The following GRIN2A variants were observed in gnomAD, a reference collection of about 807,000 sequenced individuals.
GRIN2A encodes the protein glutamate ionotropic receptor NMDA type subunit 2A.
A neutral mutation model predicts 113.4 loss-of-function variants in GRIN2A; 22 were observed. The observed-to-expected ratio is 0.19, with a 90% CI of 0.14 to 0.28. The LOEUF (loss-of-function observed/expected upper bound fraction) is 0.28. GRIN2A is among the 10% of genes least tolerant of loss of function. GRIN2A has a pLI of 1.00. For synonymous variants in GRIN2A, 827 were observed against 738.4 expected, an observed-to-expected ratio of 1.12 and a Z score of -1.94; for missense variants, 1,502 against 1,887.0, an observed-to-expected ratio of 0.80 and a Z score of 3.78.
chr16:9,976,916 A>C (rs1408624582), intron 2 of GRIN2A, among the ~76,000 whole-genome samples: 2 of 152,224 alleles, frequency 1.3e-5, no homozygotes, highest in Admixed American at 6.5e-5. Flanking sequence ...AGTGGAATAC[A>C]AAATAGTTTT....
chr16:10,099,379 T>G (rs999337827), intron 2 of GRIN2A, among the ~76,000 whole-genome samples: 1 of 152,148 alleles, frequency 6.6e-6, no homozygotes, highest in African/African-American at 2.4e-5. Flanking sequence ...TCACCAGAGC[T>G]CAGAATTCAG....
intron 2 of GRIN2A, among the ~76,000 whole-genome samples, chr16:10,163,101 T>A (rs2049837330): frequency 6.6e-6 from 1 of 152,166 alleles, no homozygotes; most frequent in Non-Finnish European, 1.5e-5. Flanking sequence ...AAAACAGCCC[T>A]CTTCATTCAA....
In GRIN2A at chr16:10,169,303, G is replaced by C. The variant is rs549926955; in HGVS notation, c.414+10695C>G. Among the ~76,000 whole-genome samples the C allele has an allele frequency of 1.2e-4, 19 of 152,286 alleles. No homozygotes were observed. The South Asian group carries it at 3.1e-3, about 25-fold the overall frequency. Reference sequence around the variant, plus strand: ...TGCAATGCTACATATAATGGTGTTAGTGTTGCTGGAGACATCACCAGTTGT... The same window carrying C: ...TGCAATGCTACATATAATGGTGTTACTGTTGCTGGAGACATCACCAGTTGT... On this transcript the variant is annotated intron_variant, in intron 2 of 12. Transcript: ENST00000330684.
chr16:9,992,988 G>A (rs2046150754), intron 2 of GRIN2A, among the ~76,000 whole-genome samples: 4 of 152,068 alleles, frequency 2.6e-5, no homozygotes, highest in East Asian at 1.9e-4. Context: ...GGCCAAGGTG[G>A]ATGGATCACT....
chr16:9,868,448 G>A (rs1002924142), intron 4 of GRIN2A, among the ~76,000 whole-genome samples: 19 of 152,182 alleles, frequency 1.2e-4, no homozygotes, highest in African/African-American at 3.4e-4. Context: ...TGTATTTTTA[G>A]TAGAGATGGG....
At chr16:9,941,289 G>C (rs958329452) in intron 2 of GRIN2A, among the ~76,000 whole-genome samples, 22 of 152,224 alleles carry the variant, frequency 1.4e-4, no homozygotes, top group African/African-American at 5.3e-4. Flanking sequence ...TGTACTCTGA[G>C]CTAGACATGA....
At chr16:10,174,984 T>C (rs960402199) in intron 2 of GRIN2A, among the ~76,000 whole-genome samples, 6 of 152,290 alleles carry the variant, frequency 3.9e-5, no homozygotes, top group African/African-American at 1.4e-4. Flanking sequence ...ATATTCTAAG[T>C]TTTTGCTGTA....
Position 9,755,755 on chromosome 16 carries a change from G to T in GRIN2A, c.*7394C>A. ...CCATTCTGGGTACCTATAAAGCCCGGTGGAAGCGTTCCAGTTCAACACTCT... is the reference window on the plus strand; with the variant it reads ...CCATTCTGGGTACCTATAAAGCCCGTTGGAAGCGTTCCAGTTCAACACTCT... On this transcript the variant is annotated 3_prime_UTR_variant, in exon 13 of 13. Coordinates refer to ENST00000330684, the MANE Select transcript of GRIN2A (RefSeq NM_001134407.3). 1 of 209,824 alleles carries T rather than the reference G, an allele frequency of 4.8e-6. No individual in the cohort carries two copies. The allele number at this position is 209,824 out of a possible 1,614,324, so 13.0% of individuals were successfully genotyped here.
intron 2 of GRIN2A, among the ~76,000 whole-genome samples, chr16:10,149,757 C>A (rs533015486): frequency 6.6e-6 from 1 of 152,230 alleles, no homozygotes; most frequent in East Asian, 1.9e-4. Context: ...CACTCCAGAA[C>A]TCCTACTATC....
intron 2 of GRIN2A, among the ~76,000 whole-genome samples, chr16:10,055,890 G>A (rs897158414): frequency 6.6e-6 from 1 of 152,164 alleles, no homozygotes; most frequent in Non-Finnish European, 1.5e-5. Context: ...GTCTATACAT[G>A]TACATTTTTG....
chr16:10,012,336 C>A (rs563806512), intron 2 of GRIN2A, among the ~76,000 whole-genome samples: 1 of 152,278 alleles, frequency 6.6e-6, no homozygotes, highest in East Asian at 1.9e-4. Context: ...TACCTGATCT[C>A]CAGCCCCTCA....
chr16:9,977,044 T>C (rs561475038), intron 2 of GRIN2A, among the ~76,000 whole-genome samples: 214 of 152,364 alleles, frequency 1.4e-3, no homozygotes, highest in African/African-American at 3.9e-3. Flanking sequence ...CTCCACCTTC[T>C]CTAACTGATC....
chr16:10,171,581 T>C (rs1468217726), intron 2 of GRIN2A: 2 of 152,172 alleles, frequency 1.3e-5, no homozygotes, highest in Non-Finnish European at 2.9e-5. Flanking sequence ...ATACAAATCA[T>C]TTCATGTTAG....
At chr16:9,936,224 A>G (rs771478773) in intron 3 of GRIN2A, among the ~76,000 whole-genome samples, 2 of 152,206 alleles carry the variant, frequency 1.3e-5, no homozygotes, top group Non-Finnish European at 2.9e-5. Flanking sequence ...GGCTCACCCC[A>G]TATTTTCTAT....
At chr16:9,954,296 C>T (rs1240486109) in intron 2 of GRIN2A, among the ~76,000 whole-genome samples, 1 of 152,178 alleles carries the variant, frequency 6.6e-6, no homozygotes, top group African/African-American at 2.4e-5. Context: ...CTAAGTGTGT[C>T]TTGTTCCCCA....
intron 2 of GRIN2A, among the ~76,000 whole-genome samples, chr16:10,139,756 G>A (rs1291226746): frequency 1.3e-5 from 2 of 152,194 alleles, no homozygotes; most frequent in African/African-American, 4.8e-5. Flanking sequence ...TATCAGAGAG[G>A]TTTAGGAAAC....
intron 2 of GRIN2A, among the ~76,000 whole-genome samples, chr16:9,979,803 ATATAT>A (rs1249477753): frequency 2.7e-5 from 4 of 145,474 alleles, no homozygotes; most frequent in Non-Finnish European, 6.0e-5. Context: ...ATATATATAT[ATATAT>A]ATATGTATAT....
At chr16:10,061,944 T>C (rs1875356500) in intron 2 of GRIN2A, among the ~76,000 whole-genome samples, 1 of 152,146 alleles carries the variant, frequency 6.6e-6, no homozygotes, top group Non-Finnish European at 1.5e-5. Context: ...CAACAAACCA[T>C]TCCGTCAGCT....
intron 4 of GRIN2A, among the ~76,000 whole-genome samples, chr16:9,874,028 G>A (rs757096952): frequency 1.3e-5 from 2 of 152,194 alleles, no homozygotes; most frequent in Non-Finnish European, 2.9e-5. Context: ...AAGGGAATAC[G>A]AGTTGATTCT....
Sources: allele counts gnomAD v4.1 joint callset (sites outside exome capture counted in the v4.1 genomes callset), GRCh38; gene constraint gnomAD v4.1.1; transcripts MANE v1.5; gene names NCBI Gene and HGNC (gene_info 2026-07-23, HGNC 2026-07-21).